Variants in OAT observed in about 807,000 individuals in gnomAD.
OAT encodes the protein ornithine aminotransferase, mitochondrial.
OAT carries 35 observed loss-of-function variants against 48.4 expected under a neutral mutation model. That is an observed-to-expected ratio of 0.72 (90% confidence interval 0.55 to 0.96). OAT has a LOEUF of 0.96. OAT is among the 40% of genes least tolerant of loss of function. OAT has a pLI of 0.00. For synonymous variants in OAT, 182 were observed against 198.4 expected (o/e 0.92, Z 0.70); for missense variants, 438 against 537.9 (o/e 0.81, Z 1.84).
chr10:124,413,026 C>T (rs1951804499), intron 1 of OAT, among the ~76,000 whole-genome samples: 2 of 152,122 alleles, frequency 1.3e-5, no homozygotes, highest in African/African-American at 2.4e-5. Flanking sequence ...GTCCATCCCT[C>T]TGGGCTCAAG....
At chr10:124,416,647 T>C (rs1951926985) in intron 1 of OAT, among the ~76,000 whole-genome samples, 1 of 152,202 alleles carries the variant, frequency 6.6e-6, no homozygotes, top group Non-Finnish European at 1.5e-5. Flanking sequence ...CCCATCCATC[T>C]ACATTAGAAC....
At position 124,407,192 on chromosome 10, in the gene OAT, G is replaced by A. The variant is rs796514180; in HGVS notation, c.520+1350C>T. ...AAAATAGCACATTGATTTTGACTAG[G>A]TTTGTTTAAGAAGAAATGCACTGAT... On this transcript the variant is annotated intron_variant, in intron 4 of 9. Coordinates refer to ENST00000368845, the MANE Select transcript of OAT (RefSeq NM_000274.4). The A allele has an allele frequency of 5.1e-6, 5 of 985,358 alleles. No individual in the cohort carries two copies. In the African/African-American group the frequency reaches 8.7e-5, roughly 17 times the overall value. The allele number at this position is 985,358 out of a possible 1,614,324, so 61.0% of individuals were successfully genotyped here. A position where few individuals can be genotyped will look rare whatever the true frequency, so the allele number is the denominator to read the frequency against.
In OAT at chr10:124,405,444, C is replaced by T. The variant is rs1464097966; in HGVS notation, c.640G>A (p.Ala214Thr). The T allele has an allele frequency of 9.3e-6, 15 of 1,613,604 alleles. No individual in the cohort carries two copies. The highest frequency in any genetic ancestry group is 8.8e-5 in the South Asian group (8 of 91,086). The part of the protein sequence containing the change: ...FDIIPYNDLP[A>T]LERALQDPNV... ...TGATGCTAGTGAAATACCTCCAGTG[C>T]GGGCAGATCATTATAGGGAATGATG... The change falls in exon 5 of 10, where the codon GCA becomes ACA. Residue 214 changes from alanine (A) to threonine (T), a missense_variant. Physicochemically the swap from Ala to Thr is moderately conservative, Grantham distance 58. Coordinates refer to ENST00000368845, the MANE Select transcript of OAT (RefSeq NM_000274.4).
At position 124,405,423 on chromosome 10, in the gene OAT, G is replaced by T. The variant is rs779470531; in HGVS notation, c.648+13C>A. Reference sequence around the variant, plus strand: ...TTCCCAATGAGCTGAGCACTATGATGCTAGTGAAATACCTCCAGTGCGGGC... The same window carrying T: ...TTCCCAATGAGCTGAGCACTATGATTCTAGTGAAATACCTCCAGTGCGGGC... On this transcript the variant is annotated intron_variant, in intron 5 of 9. Transcript: ENST00000368845. 4 of 1,612,100 alleles carry T rather than the reference G, an allele frequency of 2.5e-6. No homozygotes were observed. The highest frequency in any genetic ancestry group is 1.1e-5 in the South Asian group (1 of 91,022).
At chr10:124,401,940 G>A in intron 7 of OAT, 101 bp from the exon 8 acceptor site, 1 of 845,106 alleles carries the variant, frequency 1.2e-6, no homozygotes, top group Non-Finnish European at 2.0e-6. Context: ...TGAGTGCAGT[G>A]GCGTGATCTC....
At chr10:124,406,212 C>G in intron 4 of OAT, 6 of 762,148 alleles carry the variant, frequency 7.9e-6, no homozygotes, top group Non-Finnish European at 9.6e-6. Context: ...GGGAATAGAC[C>G]AGGCACAGTG....
chr10:124,416,866 TAA>T (rs5788661), intron 1 of OAT, among the ~76,000 whole-genome samples: 41,678 of 144,208 alleles, frequency 0.29, 6,031 homozygotes, highest in African/African-American at 0.3. Context: ...TACAGGCCTT[TAA>T]AAAAAAAAAA....
At chr10:124,418,657 G>C (rs995785908) in intron 1 of OAT, among the ~76,000 whole-genome samples, 1 of 151,752 alleles carries the variant, frequency 6.6e-6, no homozygotes, top group African/African-American at 2.4e-5. Context: ...GCGCCGGCCG[G>C]AGACTCCAGG....
chr10:124,415,129 C>CTAAAT (rs199689050), intron 1 of OAT: 16 of 117,036 alleles, frequency 1.4e-4, no homozygotes, highest in Middle Eastern at 8.5e-3. Context: ...CAGAGATTAT[C>CTAAAT]TAAATTCAAC....
In OAT at chr10:124,414,326, C is replaced by T. The variant is rs539244998; in HGVS notation, c.-29-2126G>A. The T allele has an allele frequency of 7.2e-5, 11 of 152,316 alleles. No homozygotes were observed. The East Asian group carries it at 2.1e-3, about 29-fold the overall frequency. The allele number at this position is 152,316 out of a possible 1,614,324, so 9.4% of individuals were successfully genotyped here. A position where few individuals can be genotyped will look rare whatever the true frequency, so the allele number is the denominator to read the frequency against. On this transcript the variant is annotated intron_variant, in intron 1 of 9. Transcript: ENST00000368845. ...CAATTGCTAAACAAAATCCAGTACT[C>T]CGGTTTGCCAAAGACTCACTGACTA...
At chr10:124,411,828 A>G in intron 2 of OAT, 145 bp downstream of exon 2, 1 of 769,840 alleles carries the variant, frequency 1.3e-6, no homozygotes, top group East Asian at 2.7e-5. Flanking sequence ...AAAAAAAAAA[A>G]AAAAAAGAAG....
chr10:124,414,342 T>G (rs1490955330), intron 1 of OAT: 2 of 152,230 alleles, frequency 1.3e-5, no homozygotes, highest in East Asian at 3.8e-4. Context: ...TGCCAAAGAC[T>G]CACTGACTAT....
chr10:124,397,822 C>CA lies in OAT; in HGVS notation c.*119dup, dbSNP rs879583689. 324 of 1,161,874 alleles carry CA rather than the reference C, an allele frequency of 2.8e-4. No homozygotes were observed. Among genetic ancestry groups the CA allele is most frequent in the Non-Finnish European group, 3.6e-4 (288 of 799,276 alleles). 72.0% of individuals were successfully genotyped at this position (1,161,874 alleles called of 1,614,324 possible). The stretch of plus-strand genomic sequence containing the variant: ...ATGTATCAACTGAAAAAAATATATT[C>CA]AAAAAAAAAGTTTTTGAAGACTCAT... On this transcript the variant is annotated 3_prime_UTR_variant, in exon 10 of 10. Transcript: ENST00000368845.
chr10:124,408,223 T>G (rs1209940139), intron 4 of OAT, among the ~76,000 whole-genome samples: 1 of 150,452 alleles, frequency 6.6e-6, no homozygotes, highest in Non-Finnish European at 1.5e-5. Context: ...AAGTATTTCA[T>G]CAGCAAATTA....
intron 1 of OAT, among the ~76,000 whole-genome samples, chr10:124,417,287 T>A (rs1446096626): frequency 7.9e-6 from 1 of 126,498 alleles, no homozygotes; most frequent in Non-Finnish European, 1.8e-5. Context: ...TATAAGCTTT[T>A]TTTTTTTTTT....
chr10:124,405,707 TA>T lies in OAT; in HGVS notation c.521-145del, dbSNP rs746465526. On this transcript the variant is annotated intron_variant, in intron 4 of 9. Coordinates refer to ENST00000368845, the MANE Select transcript of OAT (RefSeq NM_000274.4). ...GCACCTTCGGTGGGCTTTCAATTGT[TA>T]AAACAAAGTCTGATATTAAACACCA... The T allele has an allele frequency of 1.3e-5, 20 of 1,498,282 alleles. No homozygotes were observed. In the African/African-American group the frequency reaches 1.8e-4, roughly 14 times the overall value. 92.8% of individuals were successfully genotyped at this position (1,498,282 alleles called of 1,614,324 possible). A position where few individuals can be genotyped will look rare whatever the true frequency, so the allele number is the denominator to read the frequency against.
chr10:124,411,162 AAAG>A (rs560581121), intron 2 of OAT, among the ~76,000 whole-genome samples: 5,963 of 110,930 alleles, frequency 0.054, 1,113 homozygotes, highest in East Asian at 0.097. Flanking sequence ...AAAAAAAAAA[AAAG>A]AAGAAGAGAT....
intron 9 of OAT, 60 bp from the exon 10 acceptor site, chr10:124,398,162 T>C (rs1436766140): frequency 1.3e-6 from 2 of 1,566,776 alleles, no homozygotes; most frequent in Non-Finnish European, 1.8e-6. Flanking sequence ...TCCCTTGCCG[T>C]ATGTATGGGC....
chr10:124,401,527 C>T (rs930037281), intron 8 of OAT, among the ~76,000 whole-genome samples, 199 bp downstream of exon 8: 1 of 152,196 alleles, frequency 6.6e-6, no homozygotes, highest in African/African-American at 2.4e-5. Flanking sequence ...AGGAAGCCCA[C>T]GGAGGAAATC....
Sources: gnomAD v4.1 joint callset for allele counts (sites outside exome capture counted in the v4.1 genomes callset) on GRCh38, gnomAD v4.1.1 for gene constraint, MANE v1.5 for transcripts, NCBI Gene and HGNC (gene_info 2026-07-23, HGNC 2026-07-21) for gene names.